EPB41L1: variants seen among roughly 807,000 people sequenced by gnomAD.
EPB41L1 encodes band 4.1-like protein 1.
In EPB41L1, 29 loss-of-function variants were observed where a neutral mutation model predicts 97.8. The observed-to-expected ratio is 0.30, with a 90% CI of 0.22 to 0.40. The LOEUF is 0.40. Ranked by LOEUF, EPB41L1 falls within the 10% of genes least tolerant of loss-of-function variation. The pLI is 1.00. For synonymous variants in EPB41L1, 383 were observed against 459.2 expected (o/e 0.83, Z 2.12); for missense variants, 812 against 1,162.3 (o/e 0.70, Z 4.38).
chr20:36,122,450 T>A (rs2058783825), intron 2 of EPB41L1, among the ~76,000 whole-genome samples: 2 of 152,168 alleles, frequency 1.3e-5, no homozygotes. Context: ...CCTTTCTGTG[T>A]CCTTCCTGGT....
At chr20:36,180,412 G>A (rs975020499) in intron 5 of EPB41L1, among the ~76,000 whole-genome samples, 4 of 152,124 alleles carry the variant, frequency 2.6e-5, no homozygotes, top group African/African-American at 9.7e-5. Context: ...CACCCCTCTG[G>A]GCCCCTGCTT....
At chr20:36,217,173 C>T (rs960971472) in intron 17 of EPB41L1, among the ~76,000 whole-genome samples, 10 of 152,276 alleles carry the variant, frequency 6.6e-5, no homozygotes, top group African/African-American at 2.2e-4. Flanking sequence ...GAATTCCTTT[C>T]GAGATCGGAT....
At chr20:36,197,276 C>T (rs1241025513) in intron 13 of EPB41L1, among the ~76,000 whole-genome samples, 3 of 152,178 alleles carry the variant, frequency 2.0e-5, no homozygotes, top group Non-Finnish European at 4.4e-5. Flanking sequence ...TGGGCCTCCC[C>T]AGGGCCTGAG....
intron 14 of EPB41L1, among the ~76,000 whole-genome samples, chr20:36,199,968 G>T (rs550876135): frequency 6.6e-6 from 1 of 152,286 alleles, no homozygotes; most frequent in African/African-American, 2.4e-5. Context: ...GTAAAAGGTG[G>T]AATCTGCTCC....
At chr20:36,181,544 T>C (rs1430550023) in intron 5 of EPB41L1, among the ~76,000 whole-genome samples, 1 of 152,218 alleles carries the variant, frequency 6.6e-6, no homozygotes, top group African/African-American at 2.4e-5. Context: ...TCCTGTCTTC[T>C]GGTCTTGTTT....
At chr20:36,145,042 A>T (rs1251081739) in intron 2 of EPB41L1, among the ~76,000 whole-genome samples, 4 of 152,114 alleles carry the variant, frequency 2.6e-5, no homozygotes, top group African/African-American at 7.2e-5. Context: ...GTGCGTTAGA[A>T]TCACAGGAGG....
chr20:36,134,703 T>A lies in EPB41L1; in HGVS notation c.-10+22223T>A, dbSNP rs1339132276. On this transcript the variant is annotated intron_variant, in intron 2 of 19. Transcript: ENST00000202028. ...TTACTGCCCAGCCTGGGCTATTAGC[T>A]CCTCAGGGGTCCAGGTCTGTCATCT... Among the ~76,000 whole-genome samples the A allele has an allele frequency of 2.0e-5, 3 of 152,084 alleles. 1 individual carries two copies. Among genetic ancestry groups the A allele is most frequent in the Non-Finnish European group, 4.4e-5 (3 of 68,018 alleles).
At chr20:36,180,486 T>G (rs1329137623) in intron 5 of EPB41L1, among the ~76,000 whole-genome samples, 1 of 152,154 alleles carries the variant, frequency 6.6e-6, no homozygotes, top group African/African-American at 2.4e-5. Flanking sequence ...CAATGACATA[T>G]GTATGGACAG....
intron 21 of EPB41L1, among the ~76,000 whole-genome samples, chr20:36,227,815 C>T (rs1346998827): frequency 6.6e-6 from 1 of 152,202 alleles, no homozygotes; most frequent in Non-Finnish European, 1.5e-5. Flanking sequence ...TCACACAGAA[C>T]CTTTTCCCTT....
intron 5 of EPB41L1, among the ~76,000 whole-genome samples, chr20:36,182,018 T>C (rs1206420218): frequency 2.0e-5 from 3 of 152,242 alleles, no homozygotes; most frequent in African/African-American, 7.2e-5. Flanking sequence ...CAATTAACAG[T>C]GTGCCTGGCA....
intron 5 of EPB41L1, among the ~76,000 whole-genome samples, chr20:36,180,671 T>A (rs1308960100): frequency 4.6e-5 from 7 of 152,232 alleles, no homozygotes; most frequent in Non-Finnish European, 1.0e-4. Context: ...AGCAGGGTAG[T>A]GCTAGTACTT....
chr20:36,170,958 T>C (rs1009463968), intron 1 of EPB41L1, among the ~76,000 whole-genome samples: 4 of 152,114 alleles, frequency 2.6e-5, no homozygotes, highest in African/African-American at 9.7e-5. Flanking sequence ...AAGGTTGCTT[T>C]CCTGGCTATT....
intron 2 of EPB41L1, among the ~76,000 whole-genome samples, chr20:36,115,428 A>G (rs1423485334): frequency 6.6e-6 from 1 of 152,156 alleles, no homozygotes; most frequent in African/African-American, 2.4e-5. Context: ...GCACATGTCT[A>G]CCTCCATACA....
intron 17 of EPB41L1, among the ~76,000 whole-genome samples, chr20:36,216,731 T>C (rs1394276648): frequency 2.6e-5 from 4 of 152,172 alleles, no homozygotes; most frequent in Non-Finnish European, 5.9e-5. Context: ...AGGGCCCACA[T>C]GCCACTGGGA....
At chr20:36,125,643 C>A (rs139386027) in intron 2 of EPB41L1, 14 of 1,465,894 alleles carry the variant, frequency 9.6e-6, no homozygotes, top group Non-Finnish European at 1.3e-5. Context: ...GTGTTGGGGA[C>A]GGCAAGGAGG....
chr20:36,124,291 A>AAC (rs1178979914), intron 2 of EPB41L1, among the ~76,000 whole-genome samples: 1 of 152,018 alleles, frequency 6.6e-6, no homozygotes, highest in Non-Finnish European at 1.5e-5. Flanking sequence ...AAACCCAAAA[A>AAC]ACACAAATCT....
chr20:36,194,509 ATC>A, intron 12 of EPB41L1, 149 bp downstream of exon 12: 1 of 1,092,048 alleles, frequency 9.2e-7, no homozygotes, highest in Non-Finnish European at 1.3e-6. Flanking sequence ...CCTTTGGGTC[ATC>A]TCTCAATACC....
chr20:36,134,850 GTC>G (rs1425140456), intron 2 of EPB41L1, among the ~76,000 whole-genome samples: 1 of 136,598 alleles, frequency 7.3e-6, no homozygotes, highest in Non-Finnish European at 1.6e-5. Flanking sequence ...TGTTTTCTCT[GTC>G]TTTTTTTTTT....
Position 36,175,709 on chromosome 20 carries a change from G to A in EPB41L1, c.336G>A (p.Glu112=). The change falls in exon 3 of 22, where the codon GAG becomes GAA. Residue 112 remains glutamate (E), a synonymous_variant. Coordinates refer to ENST00000338074, the MANE Select transcript of EPB41L1 (RefSeq NM_012156.2). ...TTGATGCCTCGGAGTATGAGTGTGA[G>A]GTGGAGGTAGGGGAGCACTGAGTGC... is the stretch of plus-strand genomic sequence containing the variant. ...TLLDASEYEC[E]VEKHGRGQVL... is the part of the protein sequence containing the mutation. The A allele has an allele frequency of 6.2e-7, 1 of 1,614,010 alleles. No individual in the cohort carries two copies.
Sources: gnomAD v4.1 joint callset for allele counts (sites outside exome capture counted in the v4.1 genomes callset) on GRCh38, gnomAD v4.1.1 for gene constraint, MANE v1.5 for transcripts, NCBI Gene and HGNC (gene_info 2026-07-23, HGNC 2026-07-21) for gene names.